RPS6KA5: variants seen among roughly 807,000 people sequenced by gnomAD.
RPS6KA5 encodes the protein ribosomal protein S6 kinase A5.
A neutral mutation model predicts 85.5 loss-of-function variants in RPS6KA5; 27 were observed. That is an observed-to-expected ratio of 0.32 (90% CI 0.23 to 0.44). The LOEUF (loss-of-function observed/expected upper bound fraction) is 0.44, where lower values mean the gene tolerates loss of function less well. Ranked by LOEUF, RPS6KA5 falls within the 20% of genes least tolerant of loss-of-function variation. The pLI is 1.00. For missense variants in RPS6KA5, 811 were observed against 980.9 expected (o/e 0.83, Z 2.31); for synonymous variants, 334 against 348.2 (o/e 0.96, Z 0.46).
chr14:91,054,299 C>T (rs1390105036), intron 1 of RPS6KA5, among the ~76,000 whole-genome samples: 1 of 151,026 alleles, frequency 6.6e-6, no homozygotes, highest in African/African-American at 2.4e-5. Flanking sequence ...TTCTTAGACA[C>T]AAGAATAAAA....
intron 1 of RPS6KA5, among the ~76,000 whole-genome samples, chr14:91,049,251 T>C (rs1018078091): frequency 6.6e-6 from 1 of 152,172 alleles, no homozygotes; most frequent in Admixed American, 6.5e-5. Context: ...ACCATCCCAA[T>C]GTATCCTATA....
intron 7 of RPS6KA5, among the ~76,000 whole-genome samples, chr14:90,911,888 T>C (rs1012132763): frequency 2.2e-4 from 33 of 152,102 alleles, no homozygotes; most frequent in Non-Finnish European, 1.0e-4. Context: ...GTGGGAACAA[T>C]AAAATGAGTT....
At chr14:91,018,624 C>G (rs1221513521) in intron 1 of RPS6KA5, among the ~76,000 whole-genome samples, 2 of 152,162 alleles carry the variant, frequency 1.3e-5, no homozygotes, top group African/African-American at 4.8e-5. Flanking sequence ...CATCAAGGCT[C>G]CAGGTTCTTT....
At chr14:90,920,685 G>GAA (rs570630296) in intron 6 of RPS6KA5, among the ~76,000 whole-genome samples, 1 of 145,216 alleles carries the variant, frequency 6.9e-6, no homozygotes, top group Non-Finnish European at 1.5e-5. Flanking sequence ...AACAATAAAT[G>GAA]AAAAAAAAAA....
At chr14:91,056,053 T>C (rs773505638) in intron 1 of RPS6KA5, among the ~76,000 whole-genome samples, 3 of 152,176 alleles carry the variant, frequency 2.0e-5, no homozygotes, top group Non-Finnish European at 4.4e-5. Context: ...CCTGTGTTAA[T>C]TCACTTAGGA....
intron 2 of RPS6KA5, among the ~76,000 whole-genome samples, chr14:90,980,991 G>A (rs2039766704): frequency 6.6e-6 from 1 of 152,128 alleles, no homozygotes; most frequent in African/African-American, 2.4e-5. Flanking sequence ...GATCAACATG[G>A]AGAAACCCTG....
rs2031972650 is a variant in RPS6KA5, at chr14:90,851,035, C to A, written c.*21039G>T. On this transcript the variant is annotated 3_prime_UTR_variant, in exon 17 of 17. Transcript: ENST00000614987. Reference sequence around the variant, plus strand: ...CACTACAGAGAAGTGGGTAAAGATACTTTTATTTTATTTTTTTTTTGAGAC... The same window carrying A: ...CACTACAGAGAAGTGGGTAAAGATAATTTTATTTTATTTTTTTTTTGAGAC... 6.6e-6 allele frequency: 1 copy of A among 151,740 alleles called. No homozygotes were observed. Among genetic ancestry groups the A allele is most frequent in the African/African-American group, 2.4e-5 (1 of 41,156 alleles). The allele number at this position is 151,740 out of a possible 1,614,324, so 9.4% of individuals were successfully genotyped here.
At chr14:90,891,194 G>T (rs928965506) in intron 13 of RPS6KA5, among the ~76,000 whole-genome samples, 1 of 151,206 alleles carries the variant, frequency 6.6e-6, no homozygotes. Context: ...CTACCCCAGG[G>T]CCTGGCACAG....
intron 9 of RPS6KA5, 110 bp downstream of exon 9, chr14:90,902,698 A>G: frequency 2.1e-6 from 2 of 969,466 alleles, no homozygotes. Context: ...AGAGGATATT[A>G]GAGAATCCCA....
At chr14:90,991,700 TCA>T (rs2040313645) in intron 2 of RPS6KA5, among the ~76,000 whole-genome samples, 1 of 23,496 alleles carries the variant, frequency 4.3e-5, no homozygotes, top group African/African-American at 1.0e-4. Context: ...AGACTCCATC[TCA>T]AAAAAAAAAA....
intron 1 of RPS6KA5, among the ~76,000 whole-genome samples, chr14:91,012,839 G>A (rs1422548156): frequency 6.6e-6 from 1 of 152,202 alleles, no homozygotes; most frequent in African/African-American, 2.4e-5. Context: ...CCCTCAAAAG[G>A]AGCTGGAGGA....
At chr14:90,998,368 G>A (rs940684207) in intron 2 of RPS6KA5, among the ~76,000 whole-genome samples, 1 of 152,168 alleles carries the variant, frequency 6.6e-6, no homozygotes, top group African/African-American at 2.4e-5. Context: ...TATGGTACGT[G>A]AGTTATATCT....
At position 90,961,744 on chromosome 14, in the gene RPS6KA5, T is replaced by G. The variant is rs144781327; in HGVS notation, c.395-14194A>C. On this transcript the variant is annotated intron_variant, in intron 3 of 16. Transcript: ENST00000614987. ...CAAGCTAAAATTATCGCTCATAGAT[T>G]TTATGGCACAGAACTTAAGGACAGC... is the stretch of plus-strand genomic sequence containing the variant. Among the ~76,000 whole-genome samples the G allele has an allele frequency of 1.8e-3, 277 of 152,280 alleles. 1 individual carries two copies. The highest frequency in any genetic ancestry group is 6.4e-3 in the African/African-American group (264 of 41,548).
At chr14:90,901,200 G>A (rs1009987269) in intron 9 of RPS6KA5, among the ~76,000 whole-genome samples, 8 of 151,984 alleles carry the variant, frequency 5.3e-5, no homozygotes, top group Admixed American at 2.0e-4. Context: ...TGCCTCCTGC[G>A]TTCAAGCCAT....
intron 1 of RPS6KA5, among the ~76,000 whole-genome samples, chr14:91,031,858 T>C (rs139404204): frequency 0.013 from 1,939 of 152,268 alleles, 24 homozygotes; most frequent in Non-Finnish European, 0.019. Flanking sequence ...AGGTCTAAAA[T>C]TGATGACTCA....
In RPS6KA5 at chr14:90,850,212, A is replaced by G. The variant is rs1488439064; in HGVS notation, c.*21862T>C. The G allele has an allele frequency of 3.3e-5, 5 of 152,206 alleles. No homozygotes were observed. The highest frequency in any genetic ancestry group is 7.2e-5 in the African/African-American group (3 of 41,436). 9.4% of individuals were successfully genotyped at this position (152,206 alleles called of 1,614,324 possible). On this transcript the variant is annotated 3_prime_UTR_variant, in exon 17 of 17. Coordinates refer to ENST00000614987, the MANE Select transcript of RPS6KA5 (RefSeq NM_004755.4). ...GAGGTCCTGACATTGCTTACCAGCC[A>G]TTGACCTGAAATGAACTGCTTCAAC... is the stretch of plus-strand genomic sequence containing the variant.
chr14:90,959,739 T>C (rs767113507), intron 3 of RPS6KA5, among the ~76,000 whole-genome samples: 48 of 152,290 alleles, frequency 3.2e-4, no homozygotes, highest in Middle Eastern at 3.4e-3. Context: ...TGCTAATTCC[T>C]TGAAATTATG....
At chr14:90,981,749 TTC>T (rs2039798027) in intron 2 of RPS6KA5, among the ~76,000 whole-genome samples, 1 of 152,250 alleles carries the variant, frequency 6.6e-6, no homozygotes, top group African/African-American at 2.4e-5. Context: ...GCTACAATGC[TTC>T]ACCACATGGT....
intron 8 of RPS6KA5, among the ~76,000 whole-genome samples, chr14:90,903,511 A>G (rs537488564): frequency 5.3e-5 from 8 of 152,314 alleles, no homozygotes; most frequent in Non-Finnish European, 1.2e-4. Context: ...TAGAAGTTCA[A>G]ATGATACCAT....
Sources: allele counts gnomAD v4.1 joint callset (sites outside exome capture counted in the v4.1 genomes callset), GRCh38; gene constraint gnomAD v4.1.1; transcripts MANE v1.5; gene names NCBI Gene and HGNC (gene_info 2026-07-23, HGNC 2026-07-21).